Variants in ZNF638 observed in about 807,000 individuals in gnomAD.
ZNF638 encodes the protein zinc finger protein 638, also known as CTCL tumor antigen se33-1.
A neutral mutation model predicts 195.6 loss-of-function variants in ZNF638; 46 were observed. That is an observed-to-expected ratio of 0.24 (90% CI 0.19 to 0.30). ZNF638 has a LOEUF of 0.30. ZNF638 is among the 10% of genes least tolerant of loss of function. The probability of loss-of-function intolerance (pLI) is 1.00; values close to 1 mark genes in which losing one functional copy is unlikely to be tolerated. For synonymous variants in ZNF638, 845 were observed against 772.0 expected (o/e 1.09, Z -1.57); for missense variants, 2,440 against 2,325.3 (o/e 1.05, Z -1.01).
rs746495733 is a variant in ZNF638 at position 71,368,523 on chromosome 2, A to G, written c.2137A>G (p.Lys713Glu). The change falls in exon 7 of 28, where the codon AAA becomes GAA. Residue 713 changes from lysine (K) to glutamate (E), a missense_variant. Coordinates refer to ENST00000264447, the MANE Select transcript of ZNF638 (RefSeq NM_014497.5). ...VNDVLIVPYR[K>E]EAYLEMEFKE... ...TGATGTCCTAATTGTTCCATATAGA[A>G]AAGAGGTGAGTCATTTAGTCTGTGG... is the stretch of plus-strand genomic sequence containing the variant. 1 of 1,611,240 alleles carries G rather than the reference A, an allele frequency of 6.2e-7. No homozygotes were observed. Among genetic ancestry groups the G allele is most frequent in the Non-Finnish European group, 8.5e-7 (1 of 1,179,254 alleles).
chr2:71,351,968 T>G (rs2078947957), intron 2 of ZNF638, among the ~76,000 whole-genome samples: 1 of 152,250 alleles, frequency 6.6e-6, no homozygotes, highest in African/African-American at 2.4e-5. Flanking sequence ...GCCAATTTAA[T>G]TATTTTAACT....
At chr2:71,373,753 A>T (rs2079364351) in intron 8 of ZNF638, among the ~76,000 whole-genome samples, 1 of 151,792 alleles carries the variant, frequency 6.6e-6, no homozygotes, top group African/African-American at 2.4e-5. Flanking sequence ...ATTTATTGGT[A>T]TTCTATGGCT....
chr2:71,335,634 G>A (rs1210854483), intron 1 of ZNF638, among the ~76,000 whole-genome samples: 1 of 152,118 alleles, frequency 6.6e-6, no homozygotes, highest in Admixed American at 6.5e-5. Flanking sequence ...TGCCTGTCCA[G>A]TTTCAATTAT....
intron 10 of ZNF638, chr2:71,395,265 G>T (rs1181650312): frequency 1.1e-5 from 8 of 717,138 alleles, no homozygotes; most frequent in Non-Finnish European, 2.1e-5. Flanking sequence ...GCCGGAATAC[G>T]AGCAGTAATC....
intron 1 of ZNF638, chr2:71,348,504 A>ACAGCACC: frequency 8.8e-7 from 1 of 1,130,898 alleles, no homozygotes; most frequent in Middle Eastern, 4.1e-4. Flanking sequence ...AGCACCTAGG[A>ACAGCACC]CAGCACCCAG....
chr2:71,370,351 A>G (rs932457604), intron 8 of ZNF638, among the ~76,000 whole-genome samples: 4 of 152,168 alleles, frequency 2.6e-5, no homozygotes, highest in African/African-American at 9.7e-5. Flanking sequence ...TTCTTCTCAC[A>G]AGTAAACACT....
chr2:71,356,263 ATTC>A (rs1244670281), intron 3 of ZNF638, among the ~76,000 whole-genome samples: 1 of 152,138 alleles, frequency 6.6e-6, no homozygotes, highest in Non-Finnish European at 1.5e-5. Context: ...TGGCTCTTCA[ATTC>A]TTCCCCCTTT....
At position 71,408,197 on chromosome 2, in the gene ZNF638, G is replaced by T. The variant is rs953375407; in HGVS notation, c.3211G>T (p.Gly1071Cys). The T allele has an allele frequency of 1.1e-5, 17 of 1,613,198 alleles. No individual in the cohort carries two copies. Among genetic ancestry groups the T allele is most frequent in the Non-Finnish European group, 1.4e-5 (17 of 1,179,524 alleles). The change falls in exon 20 of 28, where the codon GGT becomes TGT. Residue 1071 changes from glycine to cysteine, a missense_variant. Gly to Cys is a radical substitution (Grantham distance 159). Transcript: ENST00000264447. ...SFLKQNPQNI[G>C]DHMLTCSLSP... ...TCTGAAACAAAATCCACAAAATATT[G>T]GTGACCATATGTTGACCTGCTCATT...
At chr2:71,341,030 A>G (rs2078754247) in intron 1 of ZNF638, among the ~76,000 whole-genome samples, 2 of 152,232 alleles carry the variant, frequency 1.3e-5, no homozygotes, top group South Asian at 2.1e-4. Flanking sequence ...AAGTCTGCCC[A>G]TATCTGTAAA....
rs373081921 is a variant in ZNF638 at position 71,363,056 on chromosome 2, G to A, written c.1380-97G>A. On this transcript the variant is annotated intron_variant, in intron 3 of 27. Coordinates refer to ENST00000264447, the MANE Select transcript of ZNF638 (RefSeq NM_014497.5). ...TCAAAATATTTTATTTCCAATAAAA[G>A]TTGTGAAAAGTCCTTTTGATATATT... 5.4e-5 allele frequency: 46 copies of A among 848,512 alleles called. 1 individual carries two copies. The African/African-American group carries it at 6.9e-4, about 13-fold the overall frequency. 52.6% of individuals were successfully genotyped at this position (848,512 alleles called of 1,614,324 possible). A position where few individuals can be genotyped will look rare whatever the true frequency, so the allele number is the denominator to read the frequency against.
rs766869050 is a variant in ZNF638 at position 71,350,278 on chromosome 2, G to C, written c.1317+7G>C. 6.3e-7 allele frequency: 1 copy of C among 1,593,690 alleles called. No individual in the cohort carries two copies. The highest frequency in any genetic ancestry group is 8.5e-7 in the Non-Finnish European group (1 of 1,176,492). ...AGAATGTAGTCATTTGAAGGTGAGT[G>C]TTTTTAAAAAAAGATCACTGTATAA... On this transcript the variant is annotated splice_region_variant and intron_variant, in intron 2 of 27. Transcript: ENST00000264447.
At chr2:71,362,253 G>A (rs1305633808) in intron 3 of ZNF638, among the ~76,000 whole-genome samples, 1 of 151,612 alleles carries the variant, frequency 6.6e-6, no homozygotes, top group African/African-American at 2.4e-5. Flanking sequence ...TTCTGTCCTC[G>A]GCTCTCTTTT....
At chr2:71,410,469 C>T (rs921664108) in intron 20 of ZNF638, among the ~76,000 whole-genome samples, 1 of 151,972 alleles carries the variant, frequency 6.6e-6, no homozygotes, top group Non-Finnish European at 1.5e-5. Flanking sequence ...CCTGGGCCTT[C>T]CAAAGTGTTG....
chr2:71,404,240 A>G (rs1222004681), intron 17 of ZNF638, among the ~76,000 whole-genome samples: 1 of 152,206 alleles, frequency 6.6e-6, no homozygotes, highest in Non-Finnish European at 1.5e-5. Flanking sequence ...CATTTTGTCT[A>G]AAGACAGGTT....
intron 8 of ZNF638, among the ~76,000 whole-genome samples, chr2:71,371,594 A>T (rs1315052793): frequency 6.6e-6 from 1 of 151,996 alleles, no homozygotes; most frequent in Non-Finnish European, 1.5e-5. Context: ...TTCTGTGATG[A>T]TCAGTGATGT....
At chr2:71,386,125 A>G (rs2079632705) in intron 10 of ZNF638, among the ~76,000 whole-genome samples, 1 of 151,582 alleles carries the variant, frequency 6.6e-6, no homozygotes, top group South Asian at 2.1e-4. Flanking sequence ...CATCATAGTG[A>G]GACCCAGTCT....
chr2:71,393,423 A>T, intron 10 of ZNF638: 1 of 718,826 alleles, frequency 1.4e-6, no homozygotes. Context: ...ACGATGCATC[A>T]GACCATACCA....
intron 1 of ZNF638, among the ~76,000 whole-genome samples, chr2:71,334,139 C>G (rs1357567435): frequency 6.6e-6 from 1 of 151,954 alleles, no homozygotes; most frequent in Non-Finnish European, 1.5e-5. Context: ...TGTATCTTTC[C>G]CAGTGCCTGG....
In ZNF638 at chr2:71,423,717, T is replaced by C. The variant is rs1189826558; in HGVS notation, c.4203T>C (p.Ser1401=). The C allele has an allele frequency of 4.3e-6, 7 of 1,613,762 alleles. No homozygotes were observed. In the East Asian group the frequency reaches 8.9e-5, roughly 21 times the overall value. ...GCATCAAGGCTGTTATAGTCTCTTCTCCTAAGGCAAAAGCTACAGTTTCAA... is the reference window on the plus strand; with the variant it reads ...GCATCAAGGCTGTTATAGTCTCTTCCCCTAAGGCAAAAGCTACAGTTTCAA... ...KPSIKAVIVS[S]PKAKATVSKT... is the part of the protein sequence containing the mutation. Residue 1401 remains serine (S), a synonymous_variant, in exon 22 of 28, where the codon TCT becomes TCC. Transcript: ENST00000264447.
Sources: allele counts gnomAD v4.1 joint callset (sites outside exome capture counted in the v4.1 genomes callset), GRCh38; gene constraint gnomAD v4.1.1; transcripts MANE v1.5; gene names NCBI Gene and HGNC (gene_info 2026-07-23, HGNC 2026-07-21).